The following STX2 variants were observed in gnomAD, a reference collection of about 807,000 sequenced individuals.
The protein encoded by STX2 is syntaxin-2.
In STX2, 27 loss-of-function variants were observed where a neutral mutation model predicts 40.6. The observed-to-expected ratio is 0.66, with a 90% confidence interval of 0.49 to 0.92. STX2 has a LOEUF of 0.92. STX2 is among the 40% of genes least tolerant of loss of function. The pLI is 0.00. For synonymous variants in STX2, 123 were observed against 119.1 expected (o/e 1.03, Z -0.22); for missense variants, 328 against 366.1 (o/e 0.90, Z 0.85).
At chr12:130,815,096 C>T (rs1951810764) in intron 3 of STX2, among the ~76,000 whole-genome samples, 1 of 152,054 alleles carries the variant, frequency 6.6e-6, no homozygotes, top group Non-Finnish European at 1.5e-5. Context: ...AAAGAAAAAA[C>T]AAAGAAAAAT....
intron 2 of STX2, among the ~76,000 whole-genome samples, chr12:130,822,200 T>G (rs1272756574): frequency 6.6e-6 from 1 of 152,148 alleles, no homozygotes; most frequent in Non-Finnish European, 1.5e-5. Flanking sequence ...GCGGATCACT[T>G]GAGGCCAGGA....
chr12:130,825,872 C>T (rs1270197548), intron 2 of STX2, among the ~76,000 whole-genome samples: 1 of 152,140 alleles, frequency 6.6e-6, no homozygotes, highest in Non-Finnish European at 1.5e-5. Context: ...CGTGTGTTTT[C>T]GTTTCTTCAT....
chr12:130,833,160 GTGAA>G (rs1028688858), intron 1 of STX2, among the ~76,000 whole-genome samples: 24 of 152,152 alleles, frequency 1.6e-4, no homozygotes, highest in African/African-American at 5.3e-4. Flanking sequence ...CAACAAACGA[GTGAA>G]TGAATGAATG....
chr12:130,816,383 T>G (rs867060443), intron 3 of STX2, among the ~76,000 whole-genome samples: 7 of 151,104 alleles, frequency 4.6e-5, no homozygotes, highest in South Asian at 4.1e-4. Flanking sequence ...GGGGCACTCA[T>G]GACGGAGTGA....
At chr12:130,797,005 A>T (rs2137013709) in intron 9 of STX2, among the ~76,000 whole-genome samples, 1 of 152,354 alleles carries the variant, frequency 6.6e-6, no homozygotes, top group East Asian at 1.9e-4. Context: ...TTGAGCGGCA[A>T]GGGGACAGGG....
intron 4 of STX2, 106 bp downstream of exon 4, chr12:130,812,851 C>G: frequency 1.3e-6 from 1 of 765,954 alleles, no homozygotes; most frequent in Non-Finnish European, 2.1e-6. Context: ...AAAGCAGTCA[C>G]TATTTTAATT....
intron 4 of STX2, chr12:130,812,724 T>A: frequency 2.5e-6 from 1 of 399,034 alleles, no homozygotes; most frequent in Admixed American, 4.3e-5. Flanking sequence ...TTCCCAAACA[T>A]CTGCAACTTA....
intron 9 of STX2, among the ~76,000 whole-genome samples, chr12:130,797,000 C>T (rs148019575): frequency 1.2e-4 from 18 of 152,268 alleles, no homozygotes; most frequent in Non-Finnish European, 2.1e-4. Context: ...AGCATTTGAG[C>T]GGCAAGGGGA....
chr12:130,818,773 G>A (rs1329030603), intron 3 of STX2, among the ~76,000 whole-genome samples: 4 of 152,210 alleles, frequency 2.6e-5, no homozygotes, highest in African/African-American at 9.6e-5. Context: ...GTGCGCAGCC[G>A]CAAGGACGAC....
At chr12:130,824,314 G>A (rs913405414) in intron 2 of STX2, among the ~76,000 whole-genome samples, 21 of 152,178 alleles carry the variant, frequency 1.4e-4, no homozygotes, top group Admixed American at 7.2e-4. Flanking sequence ...GAACCCAGAA[G>A]GAGGAGGCTG....
Position 130,791,714 on chromosome 12 carries a change from T to G in STX2, c.*309A>C. On this transcript the variant is annotated 3_prime_UTR_variant, in exon 11 of 11. Coordinates refer to ENST00000392373, the MANE Select transcript of STX2 (RefSeq NM_194356.4). ...ATTCAGGGTCACGCATCACACCCAC[T>G]GTGCTTACGGCGCTGTCACTGAACA... 1.8e-6 allele frequency: 1 copy of G among 563,172 alleles called. No homozygotes were observed. The highest frequency in any genetic ancestry group is 3.1e-6 in the Non-Finnish European group (1 of 317,712). 34.9% of individuals were successfully genotyped at this position (563,172 alleles called of 1,614,324 possible). A position where few individuals can be genotyped will look rare whatever the true frequency, so the allele number is the denominator to read the frequency against.
chr12:130,826,726 C>A (rs928017906), intron 2 of STX2, among the ~76,000 whole-genome samples: 1 of 152,028 alleles, frequency 6.6e-6, no homozygotes, highest in Non-Finnish European at 1.5e-5. Context: ...AGCCACCAGG[C>A]ACAAGGGCTC....
At chr12:130,797,193 C>T (rs550104939) in intron 9 of STX2, among the ~76,000 whole-genome samples, 7 of 152,346 alleles carry the variant, frequency 4.6e-5, no homozygotes, top group African/African-American at 1.7e-4. Flanking sequence ...CACCCACCAC[C>T]TTCCCCCTTT....
intron 1 of STX2, among the ~76,000 whole-genome samples, chr12:130,837,101 T>C (rs866344328): frequency 6.7e-6 from 1 of 148,868 alleles, no homozygotes; most frequent in Non-Finnish European, 1.5e-5. Context: ...TTCAATGACA[T>C]TGAGCTTTTT....
intron 1 of STX2, among the ~76,000 whole-genome samples, chr12:130,836,534 A>G (rs918100412): frequency 6.6e-6 from 1 of 152,214 alleles, no homozygotes; most frequent in African/African-American, 2.4e-5. Context: ...TCAGCCTCCC[A>G]AAGTGCTGGG....
At chr12:130,818,367 A>T (rs1200340276) in intron 3 of STX2, among the ~76,000 whole-genome samples, 1 of 132,698 alleles carries the variant, frequency 7.5e-6, no homozygotes, top group Non-Finnish European at 1.6e-5. Context: ...ACACAGGGAG[A>T]CTCCTCTGGA....
intron 9 of STX2, among the ~76,000 whole-genome samples, chr12:130,796,400 C>A (rs12809329): frequency 0.019 from 2,943 of 152,246 alleles, 95 homozygotes; most frequent in Admixed American, 0.093. Flanking sequence ...GCAGGAGAAT[C>A]ACTTGAACCC....
intron 1 of STX2, among the ~76,000 whole-genome samples, chr12:130,830,577 T>G (rs1753943451): frequency 6.6e-6 from 1 of 152,262 alleles, no homozygotes; most frequent in African/African-American, 2.4e-5. Context: ...GTCTTATTTC[T>G]TATTCTTAAG....
intron 1 of STX2, among the ~76,000 whole-genome samples, chr12:130,832,628 T>C (rs1027680276): frequency 3.9e-5 from 6 of 152,158 alleles, no homozygotes; most frequent in African/African-American, 1.4e-4. Context: ...ACTGACATGA[T>C]GAAGCCTAGA....
Sources: allele counts gnomAD v4.1 joint callset (sites outside exome capture counted in the v4.1 genomes callset), GRCh38; gene constraint gnomAD v4.1.1; transcripts MANE v1.5; gene names NCBI Gene and HGNC (gene_info 2026-07-23, HGNC 2026-07-21).